AKT3: variants seen among roughly 807,000 people sequenced by gnomAD.
AKT3 encodes the protein RAC-gamma serine/threonine-protein kinase.
AKT3 carries 15 observed loss-of-function variants against 65.3 expected under a neutral mutation model. That is an observed-to-expected ratio of 0.23 (90% confidence interval 0.15 to 0.35). The LOEUF is 0.35. Among genes scored for constraint, AKT3 ranks in the 10% least tolerant of loss-of-function variants. The pLI, the probability that AKT3 is intolerant of heterozygous loss-of-function variation, is 1.00. For synonymous variants in AKT3, 206 were observed against 183.8 expected (o/e 1.12, Z -0.98); for missense variants, 243 against 576.5 (o/e 0.42, Z 5.92).
chr1:243,784,225 AGAG>A (rs1039797155), intron 2 of AKT3, among the ~76,000 whole-genome samples: 4 of 152,170 alleles, frequency 2.6e-5, no homozygotes, highest in African/African-American at 9.7e-5. Flanking sequence ...AGCTAAGGAA[AGAG>A]GAGACCAGGC....
chr1:243,498,939 G>A (rs1003677922), downstream of AKT3, among the ~76,000 whole-genome samples: 1 of 152,204 alleles, frequency 6.6e-6, no homozygotes, highest in African/African-American at 2.4e-5. Flanking sequence ...CTTTTCTCTG[G>A]ACTTCACAAT....
chr1:243,501,233 A>G lies in AKT3; in HGVS notation c.*4016T>C, dbSNP rs1669267016. On this transcript the variant is annotated 3_prime_UTR_variant, in exon 14 of 14. Coordinates refer to ENST00000673466, the MANE Select transcript of AKT3 (RefSeq NM_005465.7). The stretch of plus-strand genomic sequence containing the variant: ...AAAAGGCCCCATCCAGAATGATTCA[A>G]CGTGAAGTCAGACTGCAGTCCAGCC... 1 of 232,784 alleles carries G rather than the reference A, an allele frequency of 4.3e-6. No homozygotes were observed. Among genetic ancestry groups the G allele is most frequent in the South Asian group, 1.8e-4 (1 of 5,528 alleles). The allele number at this position is 232,784 out of a possible 1,614,324, so 14.4% of individuals were successfully genotyped here. A position where few individuals can be genotyped will look rare whatever the true frequency, so the allele number is the denominator to read the frequency against.
At chr1:243,762,155 T>C (rs1477035150) in intron 2 of AKT3, among the ~76,000 whole-genome samples, 1 of 152,132 alleles carries the variant, frequency 6.6e-6, no homozygotes, top group African/African-American at 2.4e-5. Context: ...GTGAAATGGA[T>C]ACTTAAATTA....
rs1669430989 is a variant in AKT3 at position 243,503,168 on chromosome 1, A to G, written c.*2081T>C. ...ACCATTTACTGTAACTTCCTACTCAATACTAAGGATGAACTTCACTCAGGT... is the reference window on the plus strand; with the variant it reads ...ACCATTTACTGTAACTTCCTACTCAGTACTAAGGATGAACTTCACTCAGGT... On this transcript the variant is annotated 3_prime_UTR_variant, in exon 14 of 14. Coordinates refer to ENST00000673466, the MANE Select transcript of AKT3 (RefSeq NM_005465.7). 4.3e-6 allele frequency: 1 copy of G among 233,614 alleles called. No individual in the cohort carries two copies. Among genetic ancestry groups the G allele is most frequent in the African/African-American group, 2.2e-5 (1 of 45,354 alleles). The allele number at this position is 233,614 out of a possible 1,614,324, so 14.5% of individuals were successfully genotyped here.
rs188173113 is a variant in AKT3 at position 243,662,663 on chromosome 1, A to G, written c.284+2109T>C. 4.7e-3 allele frequency among the ~76,000 whole-genome samples: 718 copies of G among 152,078 alleles called. 8 individuals are homozygous for G. Among genetic ancestry groups the G allele is most frequent in the African/African-American group, 0.016 (682 of 41,508 alleles). On this transcript the variant is annotated intron_variant, in intron 4 of 13. Coordinates refer to ENST00000673466, the MANE Select transcript of AKT3 (RefSeq NM_005465.7). ...ATGGCACATGTATACATATGTAACT[A>G]ACCTGCACATTGTGCACATGTACCC...
chr1:243,555,277 G>A (rs1049390470), intron 10 of AKT3, among the ~76,000 whole-genome samples: 1 of 152,056 alleles, frequency 6.6e-6, no homozygotes, highest in South Asian at 2.1e-4. Flanking sequence ...CTATCAATTA[G>A]AAAGATTTTT....
At chr1:243,739,109 C>A (rs1036413398) in intron 2 of AKT3, among the ~76,000 whole-genome samples, 2 of 152,138 alleles carry the variant, frequency 1.3e-5, no homozygotes, top group African/African-American at 4.8e-5. Context: ...CCTATGAGAG[C>A]CTCTGAACTG....
intron 12 of AKT3, among the ~76,000 whole-genome samples, chr1:243,533,583 ATATGT>A (rs1214504135): frequency 6.6e-6 from 1 of 152,250 alleles, no homozygotes; most frequent in Non-Finnish European, 1.5e-5. Flanking sequence ...TATTCAATTA[ATATGT>A]TATGAGAGGG....
intron 2 of AKT3, among the ~76,000 whole-genome samples, chr1:243,804,943 A>G (rs981307180): frequency 1.3e-5 from 2 of 152,120 alleles, no homozygotes; most frequent in African/African-American, 4.8e-5. Context: ...AGAGTGTTAC[A>G]TTGCCTGATA....
At chr1:243,634,341 G>A (rs927298328) in intron 6 of AKT3, among the ~76,000 whole-genome samples, 1 of 151,924 alleles carries the variant, frequency 6.6e-6, no homozygotes, top group Non-Finnish European at 1.5e-5. Context: ...TGCATATACT[G>A]TGTTTTTTTC....
intron 2 of AKT3, among the ~76,000 whole-genome samples, chr1:243,731,665 T>A (rs1486860703): frequency 1.3e-5 from 2 of 152,242 alleles, no homozygotes; most frequent in Admixed American, 1.3e-4. Context: ...GTTCATGGAA[T>A]GATCACATTT....
downstream of AKT3, among the ~76,000 whole-genome samples, chr1:243,497,338 G>GGC (rs1491500118): frequency 2.1e-4 from 17 of 79,924 alleles, no homozygotes; most frequent in Non-Finnish European, 3.3e-4. Flanking sequence ...AGGCACGGGT[G>GGC]GGGGGGGGGG....
chr1:243,522,434 G>C (rs1328575955), intron 12 of AKT3, among the ~76,000 whole-genome samples: 1 of 152,206 alleles, frequency 6.6e-6, no homozygotes, highest in Non-Finnish European at 1.5e-5. Flanking sequence ...AAGTTGGGCA[G>C]ATCACTTGAG....
chr1:243,753,050 T>C (rs1432697473), intron 2 of AKT3, among the ~76,000 whole-genome samples: 1 of 152,176 alleles, frequency 6.6e-6, no homozygotes, highest in East Asian at 1.9e-4. Context: ...TCCTCCATCA[T>C]GTTATGCCAT....
At chr1:243,622,187 T>G (rs1001223894) in intron 6 of AKT3, among the ~76,000 whole-genome samples, 6 of 152,216 alleles carry the variant, frequency 3.9e-5, no homozygotes, top group African/African-American at 1.4e-4. Context: ...CTAAGTAAGC[T>G]CCCTCCTCAG....
At chr1:243,691,025 C>T (rs1178603019) in intron 3 of AKT3, among the ~76,000 whole-genome samples, 1 of 151,980 alleles carries the variant, frequency 6.6e-6, no homozygotes, top group East Asian at 1.9e-4. Context: ...AACAAGATAA[C>T]CAAGAAACAA....
chr1:243,583,598 C>A (rs1204066390), intron 8 of AKT3, among the ~76,000 whole-genome samples: 3 of 138,282 alleles, frequency 2.2e-5, no homozygotes, highest in African/African-American at 5.5e-5. Context: ...AACAAAAAAA[C>A]CCTGAAATCA....
intron 2 of AKT3, among the ~76,000 whole-genome samples, chr1:243,750,214 G>T (rs1205651442): frequency 2.0e-5 from 3 of 151,972 alleles, no homozygotes; most frequent in Non-Finnish European, 2.9e-5. Context: ...AACCCTACTT[G>T]GTTAAATTTG....
intron 2 of AKT3, among the ~76,000 whole-genome samples, chr1:243,721,077 T>C (rs1262867383): frequency 9.9e-5 from 15 of 152,070 alleles, no homozygotes; most frequent in Admixed American, 9.8e-4. Flanking sequence ...GACACCAGAA[T>C]TCCTCCTCAC....
Sources: allele counts gnomAD v4.1 joint callset (sites outside exome capture counted in the v4.1 genomes callset), GRCh38; gene constraint gnomAD v4.1.1; transcripts MANE v1.5; gene names NCBI Gene and HGNC (gene_info 2026-07-23, HGNC 2026-07-21).